The following JAK2 variants were observed in gnomAD, a reference collection of about 807,000 sequenced individuals.
The protein encoded by JAK2 is Janus kinase 2, also known as tyrosine-protein kinase JAK2.
A neutral mutation model predicts 139.3 loss-of-function variants in JAK2; 86 were observed. The ratio of observed to expected loss-of-function variants is 0.62; its 90% CI spans 0.52 to 0.74. The LOEUF is 0.74. JAK2 is among the 30% of genes least tolerant of loss of function. The pLI is 0.00. For missense variants in JAK2, 1,421 were observed against 1,360.3 expected (o/e 1.04, Z -0.70); for synonymous variants, 490 against 437.7 (o/e 1.12, Z -1.49).
intron 2 of JAK2, among the ~76,000 whole-genome samples, chr9:5,005,412 T>C (rs923604045): frequency 2.6e-5 from 4 of 152,200 alleles, no homozygotes; most frequent in African/African-American, 7.2e-5. Context: ...TTATAGGTTG[T>C]CCCTTCACTC....
intron 14 of JAK2, 28 bp from the exon 15 acceptor site, chr9:5,077,425 T>A: frequency 2.4e-6 from 2 of 831,432 alleles, no homozygotes; most frequent in Admixed American, 3.5e-5. Context: ...ACTTAAGCCT[T>A]ATTATTATTA....
chr9:5,086,017 A>G lies in JAK2; in HGVS notation c.2572-3657A>G, dbSNP rs1472220411. On this transcript the variant is annotated intron_variant, in intron 19 of 24. Coordinates refer to ENST00000381652, the MANE Select transcript of JAK2 (RefSeq NM_004972.4). Reference sequence around the variant, plus strand: ...GTGTGATGAAACTGTGATATACTATATACATTTGGACAGGCAGGTGTTAAA... The same window carrying G: ...GTGTGATGAAACTGTGATATACTATGTACATTTGGACAGGCAGGTGTTAAA... The G allele has an allele frequency of 2.5e-6, 2 of 808,706 alleles. 1 individual carries two copies. Among genetic ancestry groups the G allele is most frequent in the Non-Finnish European group, 4.4e-6 (2 of 452,582 alleles). 50.1% of individuals were successfully genotyped at this position (808,706 alleles called of 1,614,324 possible). A position where few individuals can be genotyped will look rare whatever the true frequency, so the allele number is the denominator to read the frequency against.
At chr9:5,082,570 C>T (rs1341439738) in intron 19 of JAK2, among the ~76,000 whole-genome samples, 1 of 152,248 alleles carries the variant, frequency 6.6e-6, no homozygotes, top group Non-Finnish European at 1.5e-5. Context: ...TAATCCTCCC[C>T]AGCACAGACC....
At chr9:5,092,322 A>G (rs992044416) in intron 22 of JAK2, among the ~76,000 whole-genome samples, 3 of 152,170 alleles carry the variant, frequency 2.0e-5, no homozygotes, top group Non-Finnish European at 4.4e-5. Context: ...ATATCATTCT[A>G]GAAATATTAT....
intron 2 of JAK2, among the ~76,000 whole-genome samples, chr9:4,989,334 A>G (rs1211519184): frequency 6.6e-6 from 1 of 151,788 alleles, no homozygotes; most frequent in African/African-American, 2.4e-5. Context: ...GTCTTAGAAC[A>G]TTTTCACATG....
At chr9:5,092,349 T>G (rs1441355820) in intron 22 of JAK2, among the ~76,000 whole-genome samples, 1 of 152,094 alleles carries the variant, frequency 6.6e-6, no homozygotes, top group African/African-American at 2.4e-5. Flanking sequence ...TCTCTATACA[T>G]GAATAGAGGA....
At chr9:5,090,303 AAC>A in intron 20 of JAK2, 141 bp from the exon 21 acceptor site, 1 of 505,278 alleles carries the variant, frequency 2.0e-6, no homozygotes, top group Non-Finnish European at 3.2e-6. Context: ...TGTTCTTAAC[AAC>A]TATATCACCT....
intron 6 of JAK2, among the ~76,000 whole-genome samples, chr9:5,051,261 A>G (rs149048275): frequency 6.6e-6 from 1 of 152,334 alleles, no homozygotes; most frequent in Admixed American, 6.5e-5. Context: ...GGTATTAAAT[A>G]TCTATTATTT....
intron 2 of JAK2, among the ~76,000 whole-genome samples, chr9:4,995,808 A>G (rs531708398): frequency 6.6e-6 from 1 of 152,212 alleles, no homozygotes; most frequent in Non-Finnish European, 1.5e-5. Context: ...TTCTGATTTT[A>G]AACTTGAATT....
chr9:5,074,249 A>G (rs1381181952), intron 14 of JAK2, among the ~76,000 whole-genome samples: 3 of 152,184 alleles, frequency 2.0e-5, no homozygotes, highest in Non-Finnish European at 2.9e-5. Context: ...AAACTACTAA[A>G]AGTATAAATC....
chr9:5,067,215 TAACA>T lies in JAK2; in HGVS notation c.1326+433_1326+436del, dbSNP rs533253993. On this transcript the variant is annotated intron_variant, in intron 10 of 24. Coordinates refer to ENST00000381652, the MANE Select transcript of JAK2 (RefSeq NM_004972.4). ...ACAGAATTAGAGAAAACTAGGTCAA[TAACA>T]AACAAATAGAAACATTAAAGCACTT... is the stretch of plus-strand genomic sequence containing the variant. Among the ~76,000 whole-genome samples the T allele has an allele frequency of 5.5e-3, 837 of 152,234 alleles. 9 individuals are homozygous for T. The highest frequency in any genetic ancestry group is 0.019 in the African/African-American group (800 of 41,578).
In JAK2 at chr9:5,013,285, A is replaced by G. The variant is rs890635085; in HGVS notation, c.-25-8678A>G. Among the ~76,000 whole-genome samples, 5 of 152,196 alleles carry G rather than the reference A, an allele frequency of 3.3e-5. No individual in the cohort carries two copies. In the East Asian group the frequency reaches 7.7e-4, roughly 23 times the overall value. On this transcript the variant is annotated intron_variant, in intron 2 of 24. Coordinates refer to ENST00000381652, the MANE Select transcript of JAK2 (RefSeq NM_004972.4). ...ATTCTTTTACATTTCACCTCACCAT[A>G]TTTAGGTTTACCAAAGTAGTATAGG...
intron 3 of JAK2, 29 bp downstream of exon 3, chr9:5,022,242 T>C: frequency 6.1e-6 from 9 of 1,479,894 alleles, no homozygotes; most frequent in Non-Finnish European, 8.5e-6. Flanking sequence ...CATTTTCCTT[T>C]TTATGCATGG....
chr9:5,053,049 A>G (rs1266563927), intron 6 of JAK2, among the ~76,000 whole-genome samples: 1 of 152,024 alleles, frequency 6.6e-6, no homozygotes, highest in African/African-American at 2.4e-5. Flanking sequence ...GTAACTGTTT[A>G]ACTTTTTGAG....
chr9:5,070,586 A>G (rs1308113673), intron 12 of JAK2, among the ~76,000 whole-genome samples: 1 of 151,980 alleles, frequency 6.6e-6, no homozygotes, highest in East Asian at 1.9e-4. Flanking sequence ...TTTTAAAATT[A>G]TTTATTTATT....
chr9:5,001,991 A>G (rs1427943755), intron 2 of JAK2, among the ~76,000 whole-genome samples: 1 of 151,962 alleles, frequency 6.6e-6, no homozygotes, highest in African/African-American at 2.4e-5. Flanking sequence ...ATATCCACTT[A>G]CTGTTTATAA....
Position 5,073,739 on chromosome 9 carries a change from C to G in JAK2, c.1818C>G (p.His606Gln), listed in dbSNP as rs145561071. 3 of 1,612,502 alleles carry G rather than the reference C, an allele frequency of 1.9e-6. No individual in the cohort carries two copies. The highest frequency in any genetic ancestry group is 2.5e-6 in the Non-Finnish European group (3 of 1,179,124). ...EAASMMSKLSHKHLVLNYGVC... is the reference protein window; with the variant it reads ...EAASMMSKLSQKHLVLNYGVC... ...CAAGTATGATGAGCAAGCTTTCTCA[C>G]AAGCATTTGGTTTTAAATTATGGAG... The change falls in exon 14 of 25, where the codon CAC becomes CAG. Residue 606 changes from histidine (H) to glutamine (Q), a missense_variant. His to Gln is a conservative substitution (Grantham distance 24). Transcript: ENST00000381652.
At chr9:5,007,561 T>C (rs1031021109) in intron 2 of JAK2, among the ~76,000 whole-genome samples, 6 of 152,136 alleles carry the variant, frequency 3.9e-5, no homozygotes, top group Non-Finnish European at 5.9e-5. Flanking sequence ...TTATAAAATA[T>C]TAAGTAATCA....
chr9:5,064,676 A>C (rs1158822982), intron 8 of JAK2, among the ~76,000 whole-genome samples: 1 of 152,256 alleles, frequency 6.6e-6, no homozygotes, highest in African/African-American at 2.4e-5. Flanking sequence ...AGAGTGAACT[A>C]TAACTGGGAA....
Sources: allele counts gnomAD v4.1 joint callset (sites outside exome capture counted in the v4.1 genomes callset), GRCh38; gene constraint gnomAD v4.1.1; transcripts MANE v1.5; gene names NCBI Gene and HGNC (gene_info 2026-07-23, HGNC 2026-07-21).